The following ZNF385D variants were observed in gnomAD, a reference collection of about 807,000 sequenced individuals.
ZNF385D encodes the protein zinc finger protein 659.
In ZNF385D, 15 loss-of-function variants were observed where a neutral mutation model predicts 35.8. The ratio of observed to expected loss-of-function variants is 0.42; its 90% confidence interval spans 0.28 to 0.64. ZNF385D has a LOEUF of 0.64. ZNF385D is among the 30% of genes least tolerant of loss of function. The pLI, the probability that ZNF385D is intolerant of heterozygous loss-of-function variation, is 0.23. For missense variants in ZNF385D, 474 were observed against 494.6 expected, an observed-to-expected ratio of 0.96 and a Z score of 0.39; for synonymous variants, 212 against 186.8, an observed-to-expected ratio of 1.13 and a Z score of -1.10.
chr3:22,294,951 A>G (rs1702489703), intron 2 of ZNF385D, among the ~76,000 whole-genome samples: 1 of 151,146 alleles, frequency 6.6e-6, no homozygotes, highest in South Asian at 2.1e-4. Flanking sequence ...TTACAGGACC[A>G]GGGGTATAAC....
At chr3:22,186,809 T>C (rs1695665108) in intron 2 of ZNF385D, among the ~76,000 whole-genome samples, 1 of 152,190 alleles carries the variant, frequency 6.6e-6, no homozygotes, top group Admixed American at 6.6e-5. Context: ...TATTTGAGAT[T>C]GCTCATAATC....
At chr3:22,166,178 G>GTATAATTTCAGA (rs1553621039) in intron 3 of ZNF385D, among the ~76,000 whole-genome samples, 1 of 152,014 alleles carries the variant, frequency 6.6e-6, no homozygotes, top group Non-Finnish European at 1.5e-5. Context: ...GTTTTTCGTG[G>GTATAATTTCAGA]CCTACATCAT....
At chr3:22,274,690 G>T (rs552803918) in intron 2 of ZNF385D, among the ~76,000 whole-genome samples, 1 of 151,400 alleles carries the variant, frequency 6.6e-6, no homozygotes, top group African/African-American at 2.4e-5. Context: ...AAGTAAAATA[G>T]GTTTGAATGA....
intron 2 of ZNF385D, among the ~76,000 whole-genome samples, chr3:22,335,726 A>C (rs1695132199): frequency 6.6e-6 from 1 of 152,148 alleles, no homozygotes; most frequent in African/African-American, 2.4e-5. Context: ...AATTAACCAA[A>C]AAGGTTTTAA....
At chr3:21,849,726 G>T (rs1283834609) in intron 3 of ZNF385D, 1 of 145,268 alleles carries the variant, frequency 6.9e-6, no homozygotes, top group Non-Finnish European at 1.5e-5. Context: ...TGACCTAAAA[G>T]ATTTGAGAAA....
chr3:21,788,971 A>G (rs1490932211), intron 3 of ZNF385D, among the ~76,000 whole-genome samples: 1 of 152,224 alleles, frequency 6.6e-6, no homozygotes, highest in East Asian at 1.9e-4. Flanking sequence ...AAAAGAATGG[A>G]GCAGATAGAT....
At chr3:21,645,827 C>G (rs2065735171) in intron 2 of ZNF385D, among the ~76,000 whole-genome samples, 1 of 152,096 alleles carries the variant, frequency 6.6e-6, no homozygotes, top group Non-Finnish European at 1.5e-5. Context: ...AGTTCTGGGT[C>G]TTTTTTCAGT....
intron 2 of ZNF385D, among the ~76,000 whole-genome samples, chr3:22,367,152 C>T (rs909128247): frequency 3.3e-5 from 5 of 152,244 alleles, no homozygotes; most frequent in Non-Finnish European, 2.9e-5. Context: ...AACATTTATG[C>T]CTTACTAGGT....
chr3:22,216,557 A>G (rs533245013), intron 2 of ZNF385D, among the ~76,000 whole-genome samples: 1 of 152,244 alleles, frequency 6.6e-6, no homozygotes, highest in Admixed American at 6.5e-5. Flanking sequence ...GTGAAAATAC[A>G]AGGAAAACGT....
intron 3 of ZNF385D, among the ~76,000 whole-genome samples, chr3:21,813,316 G>A (rs758384438): frequency 3.9e-5 from 6 of 152,170 alleles, no homozygotes; most frequent in East Asian, 1.9e-4. Flanking sequence ...ACAGCTCCTC[G>A]CCAGCAATGG....
At chr3:22,057,555 G>C (rs945858402) in intron 3 of ZNF385D, among the ~76,000 whole-genome samples, 1 of 151,076 alleles carries the variant, frequency 6.6e-6, no homozygotes, top group African/African-American at 2.4e-5. Context: ...TGTTGCCCAG[G>C]CTGGAGTGCT....
intron 3 of ZNF385D, among the ~76,000 whole-genome samples, chr3:21,823,766 C>A (rs1694424604): frequency 6.6e-6 from 1 of 152,124 alleles, no homozygotes; most frequent in African/African-American, 2.4e-5. Flanking sequence ...GCACGTACTA[C>A]CTACATATGA....
chr3:22,065,155 G>A (rs1364769287), intron 3 of ZNF385D, among the ~76,000 whole-genome samples: 2 of 152,178 alleles, frequency 1.3e-5, no homozygotes, highest in Admixed American at 1.3e-4. Context: ...TATTGAGAGA[G>A]TGTGGAGTTA....
intron 3 of ZNF385D, among the ~76,000 whole-genome samples, chr3:22,141,885 A>T (rs968032863): frequency 6.6e-6 from 1 of 152,234 alleles, no homozygotes; most frequent in African/African-American, 2.4e-5. Context: ...TTTATCCCAA[A>T]GACAGTACTG....
chr3:22,238,629 G>A (rs575719837), intron 2 of ZNF385D, among the ~76,000 whole-genome samples: 2 of 150,328 alleles, frequency 1.3e-5, no homozygotes, highest in Admixed American at 6.6e-5. Flanking sequence ...TTTATCTATT[G>A]ATCTTTTATC....
chr3:22,256,015 T>A (rs985279532), intron 2 of ZNF385D, among the ~76,000 whole-genome samples: 1 of 151,668 alleles, frequency 6.6e-6, no homozygotes, highest in Admixed American at 6.6e-5. Context: ...GCTGCTAGAA[T>A]ATAAGCAGGC....
chr3:22,246,907 T>G (rs1699813171), intron 2 of ZNF385D, among the ~76,000 whole-genome samples: 1 of 151,872 alleles, frequency 6.6e-6, no homozygotes, highest in East Asian at 1.9e-4. Flanking sequence ...TGTAGATATG[T>G]AGGTAGCATA....
intron 2 of ZNF385D, among the ~76,000 whole-genome samples, chr3:22,344,299 G>T (rs998554783): frequency 1.1e-4 from 16 of 151,982 alleles, no homozygotes; most frequent in Admixed American, 9.8e-4. Context: ...ACTACTGACT[G>T]CAGGATTACT....
Position 21,510,970 on chromosome 3 carries a change from T to A in ZNF385D, c.330A>T (p.Ala110=). The A allele has an allele frequency of 6.2e-7, 1 of 1,614,150 alleles. No homozygotes were observed. The highest frequency in any genetic ancestry group is 8.5e-7 in the Non-Finnish European group (1 of 1,179,998). The change falls in exon 4 of 8, where the codon GCA becomes GCT. Residue 110 remains alanine (A), a synonymous_variant. Coordinates refer to ENST00000281523, the MANE Select transcript of ZNF385D (RefSeq NM_024697.3). ...KGTKHAKKLK[A]LEAMKNKQKS... is the part of the protein sequence containing the mutation. Reference sequence around the variant, plus strand: ...TCTGCTTATTTTTCATGGCTTCCAGTGCTTTGAGCTTCTTGGCATGTTTCG... The same window carrying A: ...TCTGCTTATTTTTCATGGCTTCCAGAGCTTTGAGCTTCTTGGCATGTTTCG...
Sources: gnomAD v4.1 joint callset for allele counts (sites outside exome capture counted in the v4.1 genomes callset) on GRCh38, gnomAD v4.1.1 for gene constraint, MANE v1.5 for transcripts, NCBI Gene and HGNC (gene_info 2026-07-23, HGNC 2026-07-21) for gene names.